Variants in ADGRL3 observed in about 807,000 individuals in gnomAD.
ADGRL3 encodes adhesion G protein-coupled receptor L3, also known as calcium-independent alpha-latrotoxin receptor 3.
ADGRL3 carries 62 observed loss-of-function variants against 153.5 expected under a neutral mutation model. The ratio of observed to expected loss-of-function variants is 0.40; its 90% CI spans 0.33 to 0.50. The LOEUF is 0.50. ADGRL3 is among the 20% of genes least tolerant of loss of function. ADGRL3 has a pLI of 0.47. For synonymous variants in ADGRL3, 710 were observed against 672.5 expected (o/e 1.06, Z -0.86); for missense variants, 1,641 against 1,859.4 (o/e 0.88, Z 2.16).
intron 17 of ADGRL3, among the ~76,000 whole-genome samples, chr4:61,974,019 G>A (rs2099038999): frequency 6.6e-6 from 1 of 152,132 alleles, no homozygotes; most frequent in African/African-American, 2.4e-5. Flanking sequence ...CCAGGTTGGA[G>A]TGCAGTGGCG....
At chr4:61,574,549 A>G (rs1055266303) in intron 4 of ADGRL3, among the ~76,000 whole-genome samples, 1 of 151,854 alleles carries the variant, frequency 6.6e-6, no homozygotes, top group African/African-American at 2.4e-5. Flanking sequence ...AATAATCAAC[A>G]TCAAACAAGA....
intron 2 of ADGRL3, among the ~76,000 whole-genome samples, chr4:61,408,670 A>G (rs1156547201): frequency 6.6e-6 from 1 of 152,090 alleles, no homozygotes; most frequent in African/African-American, 2.4e-5. Context: ...AATTATTTAT[A>G]CAGAGTACAA....
At chr4:61,849,246 T>G (rs2098172427) in intron 9 of ADGRL3, among the ~76,000 whole-genome samples, 1 of 152,122 alleles carries the variant, frequency 6.6e-6, no homozygotes, top group Admixed American at 6.5e-5. Context: ...CTTTCTTTTA[T>G]TAGGACTCTT....
intron 1 of ADGRL3, among the ~76,000 whole-genome samples, chr4:61,379,464 T>C (rs2096642089): frequency 6.6e-6 from 1 of 152,070 alleles, no homozygotes; most frequent in Non-Finnish European, 1.5e-5. Context: ...GACAAAAAGA[T>C]ACTCCATCAT....
intron 1 of ADGRL3, among the ~76,000 whole-genome samples, chr4:61,318,193 C>CAAAAAAA (rs757545966): frequency 8.2e-5 from 4 of 48,558 alleles, no homozygotes; most frequent in Admixed American, 2.6e-4. Context: ...GAACCTGTCT[C>CAAAAAAA]AAAAAAAAAA....
intron 19 of ADGRL3, among the ~76,000 whole-genome samples, chr4:61,992,811 T>A (rs1464062872): frequency 1.3e-5 from 2 of 152,198 alleles, no homozygotes; most frequent in African/African-American, 4.8e-5. Context: ...AAATAAAGCA[T>A]TGGCTAAGCT....
chr4:61,422,734 G>C (rs1176044165), intron 2 of ADGRL3, among the ~76,000 whole-genome samples: 1 of 151,796 alleles, frequency 6.6e-6, no homozygotes, highest in African/African-American at 2.4e-5. Flanking sequence ...TGCCCACATA[G>C]TTTTCACTTA....
chr4:62,063,888 T>C (rs1238044206), intron 25 of ADGRL3, among the ~76,000 whole-genome samples: 2 of 152,106 alleles, frequency 1.3e-5, no homozygotes, highest in East Asian at 1.9e-4. Context: ...CGTTATAAAA[T>C]GTATTGTGGT....
intron 8 of ADGRL3, among the ~76,000 whole-genome samples, chr4:61,736,869 C>G (rs1322941805): frequency 6.6e-6 from 1 of 152,150 alleles, no homozygotes. Flanking sequence ...TATCAATTTT[C>G]ATGCATGAAT....
At chr4:61,497,084 T>A in intron 2 of ADGRL3, 37 bp from the exon 3 acceptor site, 1 of 532,554 alleles carries the variant, frequency 1.9e-6, no homozygotes, top group South Asian at 2.5e-5. Flanking sequence ...TACTTACTTA[T>A]TTTATACAAT....
intron 2 of ADGRL3, among the ~76,000 whole-genome samples, chr4:61,464,968 C>CA (rs1370979256): frequency 1.3e-5 from 2 of 152,164 alleles, no homozygotes; most frequent in East Asian, 1.9e-4. Context: ...CAAACTGAAC[C>CA]AAAAAACTCT....
At chr4:61,876,460 GAATTCTTTTCCTGA>G (rs2098475698) in intron 9 of ADGRL3, among the ~76,000 whole-genome samples, 1 of 151,978 alleles carries the variant, frequency 6.6e-6, no homozygotes, top group African/African-American at 2.4e-5. Context: ...ATGAAATTTT[GAATTCTTTTCCTGA>G]ATTAATGTCT....
intron 1 of ADGRL3, among the ~76,000 whole-genome samples, chr4:61,362,404 C>A (rs1180696150): frequency 1.3e-5 from 2 of 151,664 alleles, no homozygotes; most frequent in African/African-American, 4.8e-5. Flanking sequence ...GGAGCACCAC[C>A]CCTCCACCTG....
At chr4:61,631,944 A>C (rs1375884456) in intron 5 of ADGRL3, among the ~76,000 whole-genome samples, 1 of 152,084 alleles carries the variant, frequency 6.6e-6, no homozygotes, top group Non-Finnish European at 1.5e-5. Context: ...ATAATGTCAA[A>C]AAGAACAATC....
At chr4:61,763,120 A>G (rs1342845010) in intron 8 of ADGRL3, among the ~76,000 whole-genome samples, 1 of 151,910 alleles carries the variant, frequency 6.6e-6, no homozygotes, top group Non-Finnish European at 1.5e-5. Context: ...CACACTTTGC[A>G]TAAAGATTTT....
intron 21 of ADGRL3, among the ~76,000 whole-genome samples, chr4:62,016,234 A>G (rs1189160686): frequency 6.6e-6 from 1 of 152,040 alleles, no homozygotes; most frequent in African/African-American, 2.4e-5. Context: ...TTTTTAGTAG[A>G]GATGGGGTTT....
At chr4:61,957,474 A>G (rs2098971624) in intron 17 of ADGRL3, among the ~76,000 whole-genome samples, 1 of 152,060 alleles carries the variant, frequency 6.6e-6, no homozygotes, top group Admixed American at 6.6e-5. Flanking sequence ...GCCAAATTAT[A>G]AGTAATCTCT....
At chr4:61,225,215 G>A (rs1747395221) in intron 1 of ADGRL3, among the ~76,000 whole-genome samples, 1 of 152,170 alleles carries the variant, frequency 6.6e-6, no homozygotes, top group African/African-American at 2.4e-5. Flanking sequence ...GCAATCCAGT[G>A]GTCCCAGGGA....
At chr4:61,695,772 G>A (rs2095631820) in intron 6 of ADGRL3, among the ~76,000 whole-genome samples, 1 of 152,104 alleles carries the variant, frequency 6.6e-6, no homozygotes, top group South Asian at 2.1e-4. Context: ...TTAGTGTAGT[G>A]TAGCGTAGTA....
Sources: gnomAD v4.1 joint callset for allele counts (sites outside exome capture counted in the v4.1 genomes callset) on GRCh38, gnomAD v4.1.1 for gene constraint, MANE v1.5 for transcripts, NCBI Gene and HGNC (gene_info 2026-07-23, HGNC 2026-07-21) for gene names.